The following CYP3A4 variants were observed in gnomAD, a reference collection of about 807,000 sequenced individuals.
The protein encoded by CYP3A4 is cytochrome P450 family 3 subfamily A member 4.
CYP3A4 carries 41 observed loss-of-function variants against 54.9 expected under a neutral mutation model. The observed-to-expected ratio is 0.75, with a 90% CI of 0.58 to 0.97. The LOEUF (loss-of-function observed/expected upper bound fraction) is 0.97. Ranked by LOEUF, CYP3A4 falls within the 50% of genes least tolerant of loss-of-function variation. The pLI, the probability that CYP3A4 is intolerant of heterozygous loss-of-function variation, is 0.00. For missense variants in CYP3A4, 510 were observed against 597.3 expected, an observed-to-expected ratio of 0.85 and a Z score of 1.52; for synonymous variants, 179 against 205.2, an observed-to-expected ratio of 0.87 and a Z score of 1.09.
chr7:99,763,739 G>T, intron 10 of CYP3A4, 116 bp downstream of exon 10: 1 of 1,340,682 alleles, frequency 7.5e-7, no homozygotes, highest in South Asian at 1.5e-5. Context: ...CCTACATAGA[G>T]TCAGTGAAAG....
At chr7:99,783,383 CA>C (rs1395721158) in intron 1 of CYP3A4, among the ~76,000 whole-genome samples, 5 of 152,138 alleles carry the variant, frequency 3.3e-5, no homozygotes, top group Non-Finnish European at 5.9e-5. Flanking sequence ...TTTCCACAGC[CA>C]AGTTTGGAAT....
At chr7:99,779,095 T>C (rs149879487) in intron 2 of CYP3A4, among the ~76,000 whole-genome samples, 1 of 152,166 alleles carries the variant, frequency 6.6e-6, no homozygotes. Flanking sequence ...CAGACTAGGT[T>C]AGGCACAAAG....
chr7:99,770,047 G>A, intron 5 of CYP3A4, 75 bp downstream of exon 5: 1 of 1,549,236 alleles, frequency 6.5e-7, no homozygotes, highest in Non-Finnish European at 8.9e-7. Context: ...GAAAGGGACT[G>A]TGATCTTATT....
At chr7:99,770,342 T>C (rs1815599378) in intron 4 of CYP3A4, 107 bp from the exon 5 acceptor site, 2 of 1,038,376 alleles carry the variant, frequency 1.9e-6, no homozygotes, top group Non-Finnish European at 1.4e-6. Context: ...ATTTAGTGAC[T>C]GTCTACTGGG....
rs1055566534 is a variant in CYP3A4 at position 99,760,704 on chromosome 7, G to A, written c.1416+115C>T. On this transcript the variant is annotated intron_variant, in intron 12 of 12. Transcript: ENST00000651514. ...CACAGATGGGCCTAATTGATTCTTT[G>A]GCCCAGAGAACAAATTAGTAAAAGA... 11 of 1,358,714 alleles carry A rather than the reference G, an allele frequency of 8.1e-6. No homozygotes were observed. In the African/African-American group the frequency reaches 1.2e-4, roughly 15 times the overall value. 84.2% of individuals were successfully genotyped at this position (1,358,714 alleles called of 1,614,324 possible).
rs1441819353 is a variant in CYP3A4, at chr7:99,770,218, T to G, written c.336A>C (p.Gly112=). 6.2e-7 allele frequency: 1 copy of G among 1,613,332 alleles called. No homozygotes were observed. The highest frequency in any genetic ancestry group is 8.5e-7 in the Non-Finnish European group (1 of 1,179,420). The change falls in exon 5 of 13, where the codon GGA becomes GGC. Residue 112 remains glycine (G), a synonymous_variant. Transcript: ENST00000651514. ...CTATAGAGATGGCACTTTTCATAAA[T>G]CCCACTGGACCAAAAGGCTAGAGTT... is the stretch of plus-strand genomic sequence containing the variant. The part of the protein sequence containing the change: ...FTNRRPFGPV[G]FMKSAISIAE...
Position 99,781,511 on chromosome 7 carries a change from TATGAACTCC to T in CYP3A4, c.72-1435_72-1427del, listed in dbSNP as rs563493089. ...TGCAACTCATCTTTGATGGGTCATG[TATGAACTCC>T]CCGAACTGGGGTTTCTGGATGTCTG... On this transcript the variant is annotated intron_variant, in intron 1 of 12. Transcript: ENST00000651514. Among the ~76,000 whole-genome samples, 40 of 152,280 alleles carry T rather than the reference TATGAACTCC, an allele frequency of 2.6e-4. 1 individual carries two copies. Among genetic ancestry groups the T allele is most frequent in the African/African-American group, 9.4e-4 (39 of 41,566 alleles).
intron 12 of CYP3A4, 104 bp downstream of exon 12, chr7:99,760,715 C>T: frequency 7.0e-7 from 1 of 1,436,618 alleles, no homozygotes. Flanking sequence ...GCCCAGAGAA[C>T]AAATTAGTAA....
intron 1 of CYP3A4, among the ~76,000 whole-genome samples, chr7:99,781,086 G>C (rs186002076): frequency 6.6e-6 from 1 of 152,156 alleles, no homozygotes; most frequent in Non-Finnish European, 1.5e-5. Context: ...CCCGCCTTAG[G>C]TGTTGTCCTC....
At chr7:99,768,537 C>T (rs1179362453) in intron 6 of CYP3A4, 35 bp from the exon 7 acceptor site, 2 of 1,612,560 alleles carry the variant, frequency 1.2e-6, no homozygotes, top group South Asian at 1.1e-5. Context: ...TTAAAATCAG[C>T]ACCTTTTTAC....
At chr7:99,761,097 T>C in intron 11 of CYP3A4, 116 bp from the exon 12 acceptor site, 1 of 1,185,770 alleles carries the variant, frequency 8.4e-7, no homozygotes, top group South Asian at 1.7e-5. Context: ...AGGATACTTT[T>C]GTGGGCTGGT....
chr7:99,768,925 G>A (rs565165731), intron 6 of CYP3A4, among the ~76,000 whole-genome samples: 8 of 152,250 alleles, frequency 5.3e-5, no homozygotes, highest in Non-Finnish European at 8.8e-5. Context: ...GCCCAGAGCC[G>A]ATTCCTCTTC....
chr7:99,758,370 A>G (rs1815235721), intron 12 of CYP3A4, 142 bp from the exon 13 acceptor site: 2 of 906,026 alleles, frequency 2.2e-6, no homozygotes, highest in Non-Finnish European at 3.4e-6. Flanking sequence ...AATGGGCAAA[A>G]AAAATGCAGT....
rs376832627 is a variant in CYP3A4 at position 99,779,984 on chromosome 7, A to T, written c.165+8T>A. 1 of 1,609,564 alleles carries T rather than the reference A, an allele frequency of 6.2e-7. No homozygotes were observed. Among genetic ancestry groups the T allele is most frequent in the Non-Finnish European group, 8.5e-7 (1 of 1,176,206 alleles). ...AAGAAGCAAAAGAGTGAGCTCAAAAACACTCACCTTATGGTAGGACAAAAT... is the reference window on the plus strand; with the variant it reads ...AAGAAGCAAAAGAGTGAGCTCAAAATCACTCACCTTATGGTAGGACAAAAT... On this transcript the variant is annotated splice_region_variant and intron_variant, in intron 2 of 12. Transcript: ENST00000651514.
chr7:99,761,105 G>A (rs747952277), intron 11 of CYP3A4, 124 bp from the exon 12 acceptor site: 346 of 1,109,006 alleles, frequency 3.1e-4, no homozygotes, highest in Non-Finnish European at 3.9e-4. Flanking sequence ...TTTGTGGGCT[G>A]GTCATTGAAA....
intron 3 of CYP3A4, among the ~76,000 whole-genome samples, chr7:99,775,422 C>T (rs138340413): frequency 9.9e-5 from 15 of 152,230 alleles, no homozygotes; most frequent in East Asian, 9.6e-4. Flanking sequence ...GGAGGCATCA[C>T]GCTACCTGAC....
rs1815360393 is a variant in CYP3A4, at chr7:99,762,350, A to G, written c.1027-83T>C. 8 of 1,513,308 alleles carry G rather than the reference A, an allele frequency of 5.3e-6. No homozygotes were observed. The Admixed American group carries it at 5.8e-5, about 11-fold the overall frequency. The allele number at this position is 1,513,308 out of a possible 1,614,324, so 93.7% of individuals were successfully genotyped here. A position where few individuals can be genotyped will look rare whatever the true frequency, so the allele number is the denominator to read the frequency against. On this transcript the variant is annotated intron_variant, in intron 10 of 12. Coordinates refer to ENST00000651514, the MANE Select transcript of CYP3A4 (RefSeq NM_017460.6). ...GTCCATGCAGTACTAATGAAGTATT[A>G]GGAGCTCCAGAGACTAACTCATACT... is the stretch of plus-strand genomic sequence containing the variant.
chr7:99,778,028 C>G lies in CYP3A4; in HGVS notation c.218G>C (p.Gly73Ala). The change falls in exon 3 of 13, where the codon GGC becomes GCC. Residue 73 changes from glycine to alanine, a missense_variant and splice_region_variant. Around this residue, in one of 2 missense-constraint regions of CYP3A4, gnomAD observed 272 missense variants for 274.9 expected, o/e 0.99. Coordinates refer to ENST00000651514, the MANE Select transcript of CYP3A4 (RefSeq NM_017460.6). ...CAATGGAAGTTTCCAGAATACTCACCCCCACACTTTTCCATACTTTTTATG... is the reference window on the plus strand; with the variant it reads ...CAATGGAAGTTTCCAGAATACTCACGCCCACACTTTTCCATACTTTTTATG... The part of the protein sequence containing the change: ...ECHKKYGKVW[G>A]FYDGQQPVLA... 1 of 1,612,300 alleles carries G rather than the reference C, an allele frequency of 6.2e-7. No homozygotes were observed. The highest frequency in any genetic ancestry group is 8.5e-7 in the Non-Finnish European group (1 of 1,178,544).
In CYP3A4 at chr7:99,778,067, A is replaced by G; in HGVS notation, c.179T>C (p.Phe60Ser). 6.2e-7 allele frequency: 1 copy of G among 1,612,588 alleles called. No individual in the cohort carries two copies. The highest frequency in any genetic ancestry group is 2.2e-5 in the East Asian group (1 of 44,830). Residue 60 changes from phenylalanine to serine, a missense_variant, in exon 3 of 13, where the codon TTT becomes TCT. Phe to Ser is a radical substitution (Grantham distance 155). Transcript: ENST00000651514. ...ILSYHKGFCM[F>S]DMECHKKYGK... Reference sequence around the variant, plus strand: ...ATACTTTTTATGACATTCCATGTCAAACATACAAAAGCCCTGGGAGGAGAA... The same window carrying G: ...ATACTTTTTATGACATTCCATGTCAGACATACAAAAGCCCTGGGAGGAGAA...
Sources: gnomAD v4.1 joint callset for allele counts (sites outside exome capture counted in the v4.1 genomes callset) on GRCh38, gnomAD v4.1.1 for gene constraint, gnomAD v4.1.1 regional missense constraint, MANE v1.5 for transcripts, NCBI Gene and HGNC (gene_info 2026-07-23, HGNC 2026-07-21) for gene names.